The following JHY variants were observed in gnomAD, a reference collection of about 807,000 sequenced individuals.
The protein encoded by JHY is junctional cadherin complex regulator.
Under a neutral mutation model 78.0 loss-of-function variants are expected in JHY, and 69 were observed. The observed-to-expected ratio is 0.88, with a 90% CI of 0.73 to 1.08. JHY has a LOEUF of 1.08. JHY is among the 50% of genes least tolerant of loss of function. JHY has a pLI of 0.00. For missense variants in JHY, 944 were observed against 927.8 expected, an observed-to-expected ratio of 1.02 and a Z score of -0.23; for synonymous variants, 368 against 342.6, an observed-to-expected ratio of 1.07 and a Z score of -0.82.
chr11:122,934,230 G>C (rs1457875612), intron 4 of JHY, among the ~76,000 whole-genome samples, 190 bp from the exon 5 acceptor site: 1 of 151,852 alleles, frequency 6.6e-6, no homozygotes, highest in Admixed American at 6.6e-5. Context: ...GCAGGAGAAT[G>C]GTGTGAACCT....
rs759841826 is a variant in JHY at position 122,957,483 on chromosome 11, C to T, written c.2131C>T (p.Arg711Trp). The T allele has an allele frequency of 2.4e-5, 36 of 1,525,824 alleles. No homozygotes were observed. The highest frequency in any genetic ancestry group is 1.7e-4 in the Middle Eastern group (1 of 5,878). The allele number at this position is 1,525,824 out of a possible 1,614,324, so 94.5% of individuals were successfully genotyped here. ...AACTCAAAAGAAATCTGCTATCCCT[C>T]GGCAGAAGGTAAGAAATTCTCAACA... ...EKTQKKSAIP[R>W]QKALEYAKTI... is the part of the protein sequence containing the mutation. The change falls in exon 8 of 9, where the codon CGG (arginine) becomes TGG (tryptophan). Residue 711 changes from arginine to tryptophan, a missense_variant. Arg to Trp is a moderately radical substitution (Grantham distance 101). Coordinates refer to ENST00000227349, the MANE Select transcript of JHY (RefSeq NM_024806.4).
chr11:122,957,552 A>T (rs1591403385), intron 8 of JHY, 61 bp downstream of exon 8: 76 of 932,302 alleles, frequency 8.2e-5, no homozygotes, highest in East Asian at 1.9e-4. Context: ...AACTTTTATT[A>T]TCGCTTTTTT....
Position 122,935,139 on chromosome 11 carries a change from G to C in JHY, c.1634+64G>C. On this transcript the variant is annotated intron_variant, in intron 5 of 8. Transcript: ENST00000227349. This position sits in a 1 kb window ranked among gnomAD's most constrained non-coding sequence, Gnocchi z 4.5. ...AAAGGAGAGACTGCTGCAGAAAGAC[G>C]GGAGAGGAAGAAGGGGAAGGGGAAT... is the stretch of plus-strand genomic sequence containing the variant. The C allele has an allele frequency of 1.4e-6, 2 of 1,408,072 alleles. No homozygotes were observed. The highest frequency in any genetic ancestry group is 1.9e-6 in the Non-Finnish European group (2 of 1,046,096). The allele number at this position is 1,408,072 out of a possible 1,614,324, so 87.2% of individuals were successfully genotyped here.
chr11:122,901,859 C>T (rs570950249), intron 2 of JHY, among the ~76,000 whole-genome samples: 16 of 149,318 alleles, frequency 1.1e-4, no homozygotes, highest in South Asian at 2.1e-4. Context: ...GGCGAAAGAG[C>T]GAGACTCTGT....
At position 122,904,231 on chromosome 11, in the gene JHY, C is replaced by T. The variant is rs1364163499; in HGVS notation, c.651C>T (p.Asp217=). The T allele has an allele frequency of 6.2e-7, 1 of 1,614,158 alleles. No individual in the cohort carries two copies. The highest frequency in any genetic ancestry group is 8.5e-7 in the Non-Finnish European group (1 of 1,180,028). ...CGTTTTCAGAGCTGAGCGACAGTGA[C>T]CTGGAGGAGAAGTCGAGCAGCCTTT... is the stretch of plus-strand genomic sequence containing the variant. ...SKPFSELSDS[D]LEEKSSSLSP... is the part of the protein sequence containing the mutation. The change falls in exon 3 of 9, where the codon GAC becomes GAT. Residue 217 remains aspartate (D), a synonymous_variant. Coordinates refer to ENST00000227349, the MANE Select transcript of JHY (RefSeq NM_024806.4).
chr11:122,949,236 G>A (rs1162551240), intron 6 of JHY, among the ~76,000 whole-genome samples: 8 of 152,162 alleles, frequency 5.3e-5, no homozygotes, highest in Non-Finnish European at 7.3e-5. Flanking sequence ...AGATGGAAGC[G>A]GAGTGGTGGA....
intron 6 of JHY, among the ~76,000 whole-genome samples, chr11:122,954,722 A>C (rs1190492946): frequency 6.6e-6 from 1 of 152,214 alleles, no homozygotes; most frequent in Non-Finnish European, 1.5e-5. Context: ...GTTTGAAACC[A>C]ACTTGGGCAA....
chr11:122,941,277 T>G (rs1036754309), intron 5 of JHY, among the ~76,000 whole-genome samples: 1 of 152,194 alleles, frequency 6.6e-6, no homozygotes, highest in Admixed American at 6.5e-5. Context: ...CTTTCTATAA[T>G]TATGCCTATG....
intron 3 of JHY, chr11:122,905,589 G>T: frequency 1.0e-6 from 1 of 1,004,420 alleles, no homozygotes; most frequent in Non-Finnish European, 1.2e-6. Context: ...ATTACGTCTG[G>T]TGGCACGTTG....
chr11:122,959,349 A>T lies in JHY; in HGVS notation c.2241A>T (p.Glu747Asp), dbSNP rs372657723. 1 of 1,614,072 alleles carries T rather than the reference A, an allele frequency of 6.2e-7. No individual in the cohort carries two copies. Among genetic ancestry groups the T allele is most frequent in the African/African-American group, 1.3e-5 (1 of 74,940 alleles). ...ATCCAACCTATGCTGGGAAAGAAGA[A>T]AGTTTACCTGAAATCTCACTGCTGG... ...QKNPTYAGKEESLPEISLLEI... is the reference protein window; with the variant it reads ...QKNPTYAGKEDSLPEISLLEI... Residue 747 changes from glutamate to aspartate, a missense_variant, in exon 9 of 9, where the codon GAA (glutamate) becomes GAT (aspartate). Physicochemically the swap from Glu to Asp is conservative, Grantham distance 45. Transcript: ENST00000227349.
Position 122,934,861 on chromosome 11 carries a change from G to T in JHY, c.1420G>T (p.Asp474Tyr). ...TGTTAATAAAGAAAGAGGACACAAAGACCAAGAAGAGAAAAGATTTTCATA... is the reference window on the plus strand; with the variant it reads ...TGTTAATAAAGAAAGAGGACACAAATACCAAGAAGAGAAAAGATTTTCATA... ...LNVNKERGHK[D>Y]QEEKRFSYQQ... The change falls in exon 5 of 9, where the codon GAC (aspartate) becomes TAC (tyrosine). Residue 474 changes from aspartate (D) to tyrosine (Y), a missense_variant. Coordinates refer to ENST00000227349, the MANE Select transcript of JHY (RefSeq NM_024806.4). 1 of 1,613,956 alleles carries T rather than the reference G, an allele frequency of 6.2e-7. No individual in the cohort carries two copies. The highest frequency in any genetic ancestry group is 8.5e-7 in the Non-Finnish European group (1 of 1,179,990).
Position 122,957,483 on chromosome 11 carries a change from C to A in JHY, c.2131C>A (p.Arg711=), listed in dbSNP as rs759841826. ...EKTQKKSAIP[R]QKALEYAKTI... ...AACTCAAAAGAAATCTGCTATCCCTCGGCAGAAGGTAAGAAATTCTCAACA... is the reference window on the plus strand; with the variant it reads ...AACTCAAAAGAAATCTGCTATCCCTAGGCAGAAGGTAAGAAATTCTCAACA... The change falls in exon 8 of 9, where the codon CGG becomes AGG. Residue 711 remains arginine, a synonymous_variant. Transcript: ENST00000227349. 1 of 1,525,930 alleles carries A rather than the reference C, an allele frequency of 6.6e-7. No individual in the cohort carries two copies. Among genetic ancestry groups the A allele is most frequent in the Non-Finnish European group, 8.7e-7 (1 of 1,149,078 alleles). The allele number at this position is 1,525,930 out of a possible 1,614,324, so 94.5% of individuals were successfully genotyped here. A position where few individuals can be genotyped will look rare whatever the true frequency, so the allele number is the denominator to read the frequency against.
chr11:122,959,524 G>A lies in JHY; in HGVS notation c.*79G>A, dbSNP rs149327994. On this transcript the variant is annotated 3_prime_UTR_variant, in exon 9 of 9. Transcript: ENST00000227349. ...AAGAAACGCCAACCACCTTCTCTGC[G>A]TTGAGAGTAATGGCCTATTATTATC... is the stretch of plus-strand genomic sequence containing the variant. 4.1e-4 allele frequency: 557 copies of A among 1,350,062 alleles called. 1 individual carries two copies. The African/African-American group carries it at 6.6e-3, about 16-fold the overall frequency. The allele number at this position is 1,350,062 out of a possible 1,614,324, so 83.6% of individuals were successfully genotyped here.
chr11:122,941,649 A>T (rs1041928198), intron 5 of JHY, among the ~76,000 whole-genome samples: 11 of 152,216 alleles, frequency 7.2e-5, no homozygotes, highest in African/African-American at 2.7e-4. Context: ...AATCAGTTTA[A>T]CATACAGTTA....
At chr11:122,919,180 C>T (rs182989682) in intron 3 of JHY, among the ~76,000 whole-genome samples, 173 of 151,344 alleles carry the variant, frequency 1.1e-3, no homozygotes, top group Middle Eastern at 3.4e-3. Flanking sequence ...GGTGAAACCC[C>T]GTCTCTACTA....
intron 3 of JHY, among the ~76,000 whole-genome samples, chr11:122,912,783 C>A (rs1177254796): frequency 6.6e-6 from 1 of 151,996 alleles, no homozygotes; most frequent in African/African-American, 2.4e-5. Flanking sequence ...TAAAAATAAA[C>A]CTCACCTCAC....
rs773214239 is a variant in JHY, at chr11:122,959,490, C to T, written c.*45C>T. The T allele has an allele frequency of 3.2e-6, 5 of 1,573,142 alleles. No individual in the cohort carries two copies. Among genetic ancestry groups the T allele is most frequent in the Middle Eastern group, 1.7e-4 (1 of 5,982 alleles). ...AGACCAAAAATGGTCCAGGAATGAA[C>T]GTGGAGAAAAGAAACGCCAACCACC... On this transcript the variant is annotated 3_prime_UTR_variant, in exon 9 of 9. Transcript: ENST00000227349.
chr11:122,888,156 G>A (rs1453623507), intron 2 of JHY, among the ~76,000 whole-genome samples: 5 of 152,152 alleles, frequency 3.3e-5, no homozygotes, highest in Admixed American at 2.6e-4. Flanking sequence ...TGCTAGAGGC[G>A]CAAGAGGCTT....
intron 2 of JHY, among the ~76,000 whole-genome samples, chr11:122,889,691 T>C (rs1862569070): frequency 1.3e-5 from 2 of 152,184 alleles, no homozygotes; most frequent in Non-Finnish European, 2.9e-5. Context: ...GTACATAGTA[T>C]TCTAGTATCT....
Sources: allele counts gnomAD v4.1 joint callset (sites outside exome capture counted in the v4.1 genomes callset), GRCh38; gene constraint gnomAD v4.1.1; non-coding constraint Gnocchi (gnomAD v3.1); transcripts MANE v1.5; gene names NCBI Gene and HGNC (gene_info 2026-07-23, HGNC 2026-07-21).